The following C1QTNF3 variants were observed in gnomAD, a reference collection of about 807,000 sequenced individuals.
C1QTNF3 encodes the protein C1q and TNF related 3, also known as complement C1q tumor necrosis factor-related protein 3.
In C1QTNF3, 26 loss-of-function variants were observed where a neutral mutation model predicts 32.6. The observed-to-expected ratio is 0.80, with a 90% confidence interval of 0.58 to 1.11. The LOEUF (loss-of-function observed/expected upper bound fraction) is 1.11, where lower values mean the gene tolerates loss of function less well. C1QTNF3 is among the 50% of genes least tolerant of loss of function. The pLI is 0.00. For synonymous variants in C1QTNF3, 155 were observed against 146.0 expected (o/e 1.06, Z -0.44); for missense variants, 362 against 398.2 (o/e 0.91, Z 0.77).
chr5:34,076,247 A>C, the C1QTNF3 span, among the ~76,000 whole-genome samples: 8 of 151,676 alleles, frequency 5.3e-5, no homozygotes, highest in Admixed American at 5.2e-4. Context: ...CAAACTGTAC[A>C]CTTAAAAATG....
chr5:34,082,456 C>T, the C1QTNF3 span, among the ~76,000 whole-genome samples: 2 of 151,638 alleles, frequency 1.3e-5, no homozygotes, highest in Admixed American at 6.6e-5. Flanking sequence ...AATTGCTTTT[C>T]GATCTGCAGG....
the C1QTNF3 span, among the ~76,000 whole-genome samples, chr5:34,133,568 A>G: frequency 6.6e-6 from 1 of 152,192 alleles, no homozygotes; most frequent in Non-Finnish European, 1.5e-5. Flanking sequence ...CATATAGAGC[A>G]TTGGATTCCA....
At chr5:34,163,935 C>G in the C1QTNF3 span, among the ~76,000 whole-genome samples, 1 of 151,812 alleles carries the variant, frequency 6.6e-6, no homozygotes, top group East Asian at 1.9e-4. Context: ...AGAAAACAAA[C>G]AAAAAACCAA....
chr5:34,095,494 T>TA, the C1QTNF3 span, among the ~76,000 whole-genome samples: 1 of 148,362 alleles, frequency 6.7e-6, no homozygotes, highest in African/African-American at 2.5e-5. Context: ...TGGTCTATCT[T>TA]ACACAAATTT....
At chr5:34,224,665 A>G in the C1QTNF3 span, among the ~76,000 whole-genome samples, 1 of 152,200 alleles carries the variant, frequency 6.6e-6, no homozygotes, top group Non-Finnish European at 1.5e-5. Context: ...GATGGAGTAA[A>G]GACTTAAACG....
chr5:34,092,445 C>T, the C1QTNF3 span, among the ~76,000 whole-genome samples: 4 of 151,108 alleles, frequency 2.6e-5, no homozygotes, highest in Admixed American at 2.6e-4. Flanking sequence ...ATATATTTAA[C>T]CTCTCTTTAG....
chr5:34,028,139 A>C (rs766913000), intron 4 of C1QTNF3, among the ~76,000 whole-genome samples: 5 of 152,126 alleles, frequency 3.3e-5, no homozygotes, highest in Non-Finnish European at 7.4e-5. Context: ...CGCCCGGCTA[A>C]TATTTTGTAT....
chr5:34,209,885 A>G, the C1QTNF3 span, among the ~76,000 whole-genome samples: 1 of 152,148 alleles, frequency 6.6e-6, no homozygotes, highest in Non-Finnish European at 1.5e-5. Flanking sequence ...CCTTTTAGTT[A>G]AGAAAGCACT....
the C1QTNF3 span, among the ~76,000 whole-genome samples, chr5:34,243,581 T>C: frequency 2.6e-5 from 4 of 152,142 alleles, no homozygotes; most frequent in Admixed American, 6.5e-5. Flanking sequence ...CCATCAACGG[T>C]GGACTGGATA....
At chr5:34,146,650 G>A in the C1QTNF3 span, among the ~76,000 whole-genome samples, 6 of 152,258 alleles carry the variant, frequency 3.9e-5, no homozygotes, top group South Asian at 6.2e-4. Context: ...AACTTTCACC[G>A]TATACAAAGC....
chr5:34,202,270 C>A, the C1QTNF3 span, among the ~76,000 whole-genome samples: 15 of 151,778 alleles, frequency 9.9e-5, no homozygotes, highest in Non-Finnish European at 8.8e-5. Context: ...TTCCCCAACA[C>A]CTCCAACAAA....
intron 4 of C1QTNF3, among the ~76,000 whole-genome samples, chr5:34,025,483 C>T (rs1485411505): frequency 1.3e-5 from 2 of 152,204 alleles, no homozygotes; most frequent in Non-Finnish European, 2.9e-5. Context: ...CCACATGTGG[C>T]TTTCCTGCAA....
rs1754401513 is a variant in C1QTNF3 at position 34,023,931 on chromosome 5, T to C, written c.778A>G (p.Asn260Asp). Reference sequence around the variant, plus strand: ...CACCTGTACATGCTGAAGACTGTGTTGCCATTGTGCATAAGGTACACATAC... The same window carrying C: ...CACCTGTACATGCTGAAGACTGTGTCGCCATTGTGCATAAGGTACACATAC... ...EVYVYLMHNG[N>D]TVFSMYSYEM... Residue 260 changes from asparagine to aspartate, a missense_variant, in exon 5 of 6, where the codon AAC (asparagine) becomes GAC (aspartate). Coordinates refer to ENST00000382065, the MANE Select transcript of C1QTNF3 (RefSeq NM_181435.6). 1.2e-6 allele frequency: 2 copies of C among 1,613,996 alleles called. No homozygotes were observed. The highest frequency in any genetic ancestry group is 1.7e-5 in the Admixed American group (1 of 60,008).
At chr5:34,111,316 T>C in the C1QTNF3 span, among the ~76,000 whole-genome samples, 3 of 152,122 alleles carry the variant, frequency 2.0e-5, no homozygotes, top group Admixed American at 1.3e-4. Context: ...GACTCTTTAT[T>C]CTCTTCAAAC....
upstream of C1QTNF3, chr5:34,043,377 G>A (rs868375780): frequency 3.4e-5 from 17 of 501,686 alleles, no homozygotes; most frequent in South Asian, 1.4e-4. Context: ...CCCAGTTGGC[G>A]AAATTCATAA....
chr5:34,081,934 G>A, the C1QTNF3 span, among the ~76,000 whole-genome samples: 1 of 151,546 alleles, frequency 6.6e-6, no homozygotes, highest in African/African-American at 2.4e-5. Flanking sequence ...AAATATTAAA[G>A]GTTAATAATT....
the C1QTNF3 span, among the ~76,000 whole-genome samples, chr5:34,116,516 T>TAGAC: frequency 8.3e-5 from 2 of 24,022 alleles, 1 homozygote; most frequent in Non-Finnish European, 1.7e-4. Flanking sequence ...GTTAAATGCT[T>TAGAC]AAATTTTATA....
At chr5:34,036,050 G>A (rs377270778) in intron 1 of C1QTNF3, among the ~76,000 whole-genome samples, 15 of 152,334 alleles carry the variant, frequency 9.8e-5, no homozygotes, top group Admixed American at 5.2e-4. Flanking sequence ...GTGCCTTCCT[G>A]CTGCTACTGT....
chr5:34,035,814 T>G, intron 1 of C1QTNF3, 56 bp from the exon 2 acceptor site: 1 of 1,357,818 alleles, frequency 7.4e-7, no homozygotes, highest in Non-Finnish European at 1.0e-6. Context: ...GCAATTAGGA[T>G]TTTTAAATTT....
Sources: allele counts gnomAD v4.1 joint callset (sites outside exome capture counted in the v4.1 genomes callset), GRCh38; gene constraint gnomAD v4.1.1; transcripts MANE v1.5; gene names NCBI Gene and HGNC (gene_info 2026-07-23, HGNC 2026-07-21).